The following THADA variants were observed in gnomAD, a reference collection of about 807,000 sequenced individuals.
THADA encodes the protein THADA armadillo repeat containing, also known as tRNA (32-2'-O)-methyltransferase regulator THADA.
A neutral mutation model predicts 219.8 loss-of-function variants in THADA; 213 were observed. The observed-to-expected ratio is 0.97, with a 90% CI of 0.87 to 1.09. The LOEUF (loss-of-function observed/expected upper bound fraction) is 1.09. THADA is among the 50% of genes least tolerant of loss of function. The probability of loss-of-function intolerance (pLI) is 0.00; values close to 1 mark genes in which losing one functional copy is unlikely to be tolerated. For synonymous variants in THADA, 1,018 were observed against 828.9 expected (o/e 1.23, Z -3.92); for missense variants, 2,956 against 2,311.3 (o/e 1.28, Z -5.72).
At chr2:43,509,866 G>T (rs765619640) in intron 22 of THADA, among the ~76,000 whole-genome samples, 1 of 152,216 alleles carries the variant, frequency 6.6e-6, no homozygotes, top group East Asian at 1.9e-4. Flanking sequence ...CAGGCTCTGT[G>T]ATTCTAAAGA....
At chr2:43,469,522 T>A (rs964505807) in intron 26 of THADA, among the ~76,000 whole-genome samples, 13 of 152,198 alleles carry the variant, frequency 8.5e-5, no homozygotes, top group African/African-American at 3.1e-4. Flanking sequence ...TTAAAAAAAA[T>A]TATTATTCTC....
rs377737093 is a variant in THADA, at chr2:43,520,702, G to GTATA, written c.3374+7173_3374+7176dup. Among the ~76,000 whole-genome samples, 117 of 136,596 alleles carry GTATA rather than the reference G, an allele frequency of 8.6e-4. 1 individual carries two copies. Among genetic ancestry groups the GTATA allele is most frequent in the African/African-American group, 2.7e-3 (100 of 36,568 alleles). The allele number at this position is 136,596 out of a possible 152,430, so 89.6% of individuals were successfully genotyped here. The stretch of plus-strand genomic sequence containing the variant: ...AAGACCCTATCTCAAATATTTATAC[G>GTATA]TATATATATATACACACACACACAC... On this transcript the variant is annotated intron_variant, in intron 22 of 37. Transcript: ENST00000405975.
chr2:43,369,088 C>T (rs1670504952), intron 29 of THADA, among the ~76,000 whole-genome samples: 1 of 152,172 alleles, frequency 6.6e-6, no homozygotes, highest in African/African-American at 2.4e-5. Context: ...TTATCTCTGC[C>T]CTCGTTTCCC....
At chr2:43,549,147 G>A (rs2103866163) in intron 20 of THADA, 63 bp downstream of exon 20, 2 of 1,307,842 alleles carry the variant, frequency 1.5e-6, no homozygotes, top group Non-Finnish European at 2.0e-6. Context: ...TATAAAAAGG[G>A]CATTCTGTAC....
rs560233058 is a variant in THADA at position 43,535,407 on chromosome 2, G to A, written c.3264+5752C>T. On this transcript the variant is annotated intron_variant, in intron 21 of 37. Coordinates refer to ENST00000405975, the MANE Select transcript of THADA (RefSeq NM_022065.5). ...ATAAAAATGTTTTCCCAGGCCAGGC[G>A]GTGGCTCACGCCTGTAATCCTAGCA... Among the ~76,000 whole-genome samples the A allele has an allele frequency of 3.6e-4, 54 of 150,662 alleles. No individual in the cohort carries two copies. In the Middle Eastern group the frequency reaches 0.011, roughly 29 times the overall value.
intron 29 of THADA, among the ~76,000 whole-genome samples, chr2:43,353,280 T>C (rs569003073): frequency 6.6e-6 from 1 of 152,340 alleles, no homozygotes; most frequent in South Asian, 2.1e-4. Flanking sequence ...GAGGCATCAA[T>C]CTGCGTGCCC....
chr2:43,387,287 T>A (rs1053428141), intron 29 of THADA, among the ~76,000 whole-genome samples: 5 of 152,212 alleles, frequency 3.3e-5, no homozygotes, highest in Non-Finnish European at 5.9e-5. Flanking sequence ...GTTTCAACTA[T>A]ACATTATGAA....
chr2:43,247,197 T>C (rs940793755), intron 36 of THADA, among the ~76,000 whole-genome samples: 1 of 152,194 alleles, frequency 6.6e-6, no homozygotes. Context: ...TGTTTTCTAC[T>C]TTTCAGTGAA....
At chr2:43,342,816 G>C (rs74828505) in intron 30 of THADA, among the ~76,000 whole-genome samples, 13 of 152,280 alleles carry the variant, frequency 8.5e-5, no homozygotes, top group African/African-American at 3.1e-4. Flanking sequence ...AAGGCTAGCA[G>C]GTAGCCTGTG....
At chr2:43,403,416 C>G (rs577403247) in intron 28 of THADA, among the ~76,000 whole-genome samples, 1 of 152,180 alleles carries the variant, frequency 6.6e-6, no homozygotes, top group Non-Finnish European at 1.5e-5. Context: ...TCATTTAAAT[C>G]TGACAAGCCA....
In THADA at chr2:43,458,562, G is replaced by A. The variant is rs115035037; in HGVS notation, c.3836+26672C>T. 2.7e-3 allele frequency among the ~76,000 whole-genome samples: 404 copies of A among 152,160 alleles called. 1 individual carries two copies. Among genetic ancestry groups the A allele is most frequent in the Non-Finnish European group, 3.0e-3 (206 of 67,992 alleles). ...ATCACCAAGTTCTGCTGATTCGACC[G>A]CCTATCTCTCAATTCTATTCACTTT... On this transcript the variant is annotated intron_variant, in intron 26 of 37. Transcript: ENST00000405975.
intron 20 of THADA, among the ~76,000 whole-genome samples, chr2:43,542,599 T>G (rs188695535): frequency 6.6e-6 from 1 of 152,338 alleles, no homozygotes; most frequent in African/African-American, 2.4e-5. Context: ...TTCTGGAAGC[T>G]TGACACAACA....
intron 7 of THADA, 84 bp from the exon 8 acceptor site, chr2:43,582,012 T>A (rs1700516060): frequency 1.0e-6 from 1 of 1,003,568 alleles, no homozygotes; most frequent in Non-Finnish European, 1.4e-6. Flanking sequence ...ATAAATACAT[T>A]CCTCAAAGGC....
rs760837816 is a variant in THADA at position 43,344,085 on chromosome 2, CCT to C, written c.4343+35_4343+36del. 116 of 1,438,724 alleles carry C rather than the reference CCT, an allele frequency of 8.1e-5. No homozygotes were observed. The African/African-American group carries it at 1.5e-3, about 19-fold the overall frequency. 89.1% of individuals were successfully genotyped at this position (1,438,724 alleles called of 1,614,324 possible). ...GCAATTCTCAAATGTATTCCTAACC[CCT>C]GATAACTCCTTGCTCATGTGGGATT... On this transcript the variant is annotated intron_variant, in intron 30 of 37. Coordinates refer to ENST00000405975, the MANE Select transcript of THADA (RefSeq NM_022065.5).
intron 28 of THADA, among the ~76,000 whole-genome samples, chr2:43,419,559 TTATTC>T (rs896371356): frequency 4.6e-5 from 7 of 152,354 alleles, no homozygotes; most frequent in African/African-American, 1.7e-4. Context: ...CTTTACCTTC[TTATTC>T]TATTTCCCAA....
intron 30 of THADA, among the ~76,000 whole-genome samples, chr2:43,336,349 G>A (rs952715775): frequency 1.3e-5 from 2 of 151,914 alleles, no homozygotes; most frequent in Non-Finnish European, 2.9e-5. Context: ...TCGGCTCACC[G>A]TAAACTCCGC....
At chr2:43,509,144 T>C (rs1001052606) in intron 22 of THADA, among the ~76,000 whole-genome samples, 1 of 152,208 alleles carries the variant, frequency 6.6e-6, no homozygotes, top group Admixed American at 6.5e-5. Context: ...TAGTTTACTA[T>C]AATTTATGTT....
intron 30 of THADA, among the ~76,000 whole-genome samples, chr2:43,342,084 G>A (rs190518782): frequency 6.6e-6 from 1 of 152,096 alleles, no homozygotes; most frequent in Admixed American, 6.5e-5. Context: ...GCATAGTGGC[G>A]TGTGCCTGTA....
At chr2:43,497,977 G>C (rs1688481423) in intron 25 of THADA, among the ~76,000 whole-genome samples, 1 of 151,994 alleles carries the variant, frequency 6.6e-6, no homozygotes, top group African/African-American at 2.4e-5. Flanking sequence ...TAAAAAACCT[G>C]CACATTCTAC....
Sources: allele counts gnomAD v4.1 joint callset (sites outside exome capture counted in the v4.1 genomes callset), GRCh38; gene constraint gnomAD v4.1.1; transcripts MANE v1.5; gene names NCBI Gene and HGNC (gene_info 2026-07-23, HGNC 2026-07-21).